The following PIH1D2 variants were observed in gnomAD, a reference collection of about 807,000 sequenced individuals.
PIH1D2 encodes the protein PIH1 domain-containing protein 2.
A neutral mutation model predicts 31.2 loss-of-function variants in PIH1D2; 25 were observed. The ratio of observed to expected loss-of-function variants is 0.80; its 90% CI spans 0.58 to 1.12. PIH1D2 has a LOEUF of 1.12. Ranked by LOEUF, PIH1D2 falls within the 50% of genes most tolerant of loss-of-function variation. The probability of loss-of-function intolerance (pLI) is 0.00; values close to 1 mark genes in which losing one functional copy is unlikely to be tolerated. For synonymous variants in PIH1D2, 116 were observed against 119.9 expected, an observed-to-expected ratio of 0.97 and a Z score of 0.21; for missense variants, 310 against 356.6, an observed-to-expected ratio of 0.87 and a Z score of 1.05.
the PIH1D2 span, among the ~76,000 whole-genome samples, chr11:112,054,903 C>A: frequency 6.6e-6 from 1 of 152,204 alleles, no homozygotes. Context: ...TCCATCTTTA[C>A]ATGGCCTTCT....
intron 3 of PIH1D2, 29 bp from the exon 4 acceptor site, chr11:112,071,312 TGAA>T (rs782148851): frequency 2.1e-5 from 34 of 1,583,154 alleles, no homozygotes; most frequent in South Asian, 1.2e-4. Flanking sequence ...GGGTATGAAA[TGAA>T]GAAAAATTGT....
At chr11:112,059,973 G>A (rs200859206), downstream of PIH1D2, 3 of 1,613,784 alleles carry the variant, frequency 1.9e-6, no homozygotes, top group East Asian at 2.2e-5. Flanking sequence ...TGTGTTTAAT[G>A]CACATATAAA....
chr11:112,063,305 T>C (rs1425674647), downstream of PIH1D2: 2 of 152,236 alleles, frequency 1.3e-5, no homozygotes, highest in Non-Finnish European at 2.9e-5. Flanking sequence ...ATTGTTAATA[T>C]AATTTAACAG....
At chr11:112,055,127 C>T in the PIH1D2 span, among the ~76,000 whole-genome samples, 43 of 152,114 alleles carry the variant, frequency 2.8e-4, no homozygotes, top group Admixed American at 1.5e-3. Context: ...CTTTAGTCTT[C>T]CTGTTTTCAG....
At position 112,067,980 on chromosome 11, in the gene PIH1D2, T is replaced by A. The variant is rs782182117; in HGVS notation, c.839A>T (p.Glu280Val). 18 of 1,591,150 alleles carry A rather than the reference T, an allele frequency of 1.1e-5. No individual in the cohort carries two copies. The East Asian group carries it at 3.8e-4, about 34-fold the overall frequency. Reference protein sequence around the residue: ...SEDDLLIEVSEKYRLHLNLPK... With the variant: ...SEDDLLIEVSVKYRLHLNLPK... ...AAGATTCAGATGTAATCTGTACTTC[T>A]CAGATACTTCAATCAATAAATCATC... The change falls in exon 6 of 6, where the codon GAG becomes GTG. Residue 280 changes from glutamate to valine, a missense_variant. Transcript: ENST00000280350.
chr11:112,064,178 A>C (rs1864809931), downstream of PIH1D2: 1 of 1,570,156 alleles, frequency 6.4e-7, no homozygotes, highest in African/African-American at 1.3e-5. Context: ...TCAAAACTTC[A>C]AAGATAATTC....
Position 112,071,772 on chromosome 11 carries a change from A to T in PIH1D2, c.178-14T>A, listed in dbSNP as rs1162612515. The T allele has an allele frequency of 1.9e-6, 3 of 1,613,656 alleles. No individual in the cohort carries two copies. Among genetic ancestry groups the T allele is most frequent in the Non-Finnish European group, 2.5e-6 (3 of 1,179,678 alleles). ...TTCTTTTGGTTTCTGGAAAGCAAAT[A>T]ATTTTGCACATCTCAAAACCTAGTT... On this transcript the variant is annotated splice_polypyrimidine_tract_variant and intron_variant, in intron 2 of 5. Coordinates refer to ENST00000280350, the MANE Select transcript of PIH1D2 (RefSeq NM_138789.4).
chr11:112,070,598 C>G lies in PIH1D2; in HGVS notation c.651G>C (p.Leu217=). ...TTTCAGTACTGGAAATCTCTTCTAT[C>G]AGACACACTGCTTTGCCTGAAACTT... ...KDQVSGKAVC[L]IEEISSTEIQ... Residue 217 remains leucine (L), a synonymous_variant, in exon 5 of 6, where the codon CTG becomes CTC. Transcript: ENST00000280350. 2 of 1,614,130 alleles carry G rather than the reference C, an allele frequency of 1.2e-6. No homozygotes were observed. Among genetic ancestry groups the G allele is most frequent in the Middle Eastern group, 1.6e-4 (1 of 6,062 alleles).
the PIH1D2 span, among the ~76,000 whole-genome samples, chr11:112,052,720 T>G: frequency 6.6e-6 from 1 of 152,054 alleles, no homozygotes; most frequent in East Asian, 1.9e-4. Flanking sequence ...GAAAAAAGTC[T>G]TTGTAGAGTT....
the PIH1D2 span, among the ~76,000 whole-genome samples, chr11:112,055,401 G>A: frequency 1.8e-3 from 277 of 151,548 alleles, no homozygotes; most frequent in African/African-American, 6.5e-3. Flanking sequence ...GCACCACCAC[G>A]CCCGGCTAAT....
chr11:112,070,573 T>A lies in PIH1D2; in HGVS notation c.676A>T (p.Ile226Phe). The stretch of plus-strand genomic sequence containing the variant: ...GCTGGCATCTTCATCTCCACCTGGA[T>A]TTCAGTACTGGAAATCTCTTCTATC... ...CLIEEISSTE[I>F]QVEMKMPAYE... Residue 226 changes from isoleucine to phenylalanine, a missense_variant, in exon 5 of 6, where the codon ATC becomes TTC. Transcript: ENST00000280350. The A allele has an allele frequency of 6.2e-7, 1 of 1,614,200 alleles. No individual in the cohort carries two copies. The highest frequency in any genetic ancestry group is 8.5e-7 in the Non-Finnish European group (1 of 1,180,030).
intron 2 of PIH1D2, among the ~76,000 whole-genome samples, chr11:112,071,992 C>T (rs976130662): frequency 1.3e-5 from 2 of 152,066 alleles, no homozygotes; most frequent in Admixed American, 1.3e-4. Flanking sequence ...ACTCGGGAGG[C>T]TGAGGCAGGA....
intron 1 of PIH1D2, 51 bp downstream of exon 1, chr11:112,073,929 C>T (rs782524649): frequency 6.4e-6 from 1 of 155,100 alleles, no homozygotes; most frequent in East Asian, 1.9e-4. Context: ...TGCAAACCCA[C>T]CTCTTCTCTC....
chr11:112,069,071 T>C (rs1865031767), intron 5 of PIH1D2, among the ~76,000 whole-genome samples: 2 of 146,310 alleles, frequency 1.4e-5, no homozygotes, highest in Non-Finnish European at 1.5e-5. Flanking sequence ...CGATCTTGGC[T>C]CACTGCAACT....
chr11:112,068,174 T>A (rs1864996906), intron 5 of PIH1D2, among the ~76,000 whole-genome samples, 169 bp from the exon 6 acceptor site: 1 of 152,216 alleles, frequency 6.6e-6, no homozygotes, highest in African/African-American at 2.4e-5. Flanking sequence ...AGGTGGTTAC[T>A]GCTGCTCACT....
the PIH1D2 span, among the ~76,000 whole-genome samples, chr11:112,054,877 A>G: frequency 6.6e-6 from 1 of 152,180 alleles, no homozygotes; most frequent in Non-Finnish European, 1.5e-5. Flanking sequence ...GTGATTGCAT[A>G]ACTCCAGTCT....
chr11:112,072,895 AAAAAC>A (rs1163013746), intron 2 of PIH1D2, 98 bp downstream of exon 2: 2,243 of 1,220,202 alleles, frequency 1.8e-3, no homozygotes, highest in African/African-American at 6.1e-3. Context: ...AAAACAAAAA[AAAAAC>A]AAAAAAAATT....
At chr11:112,054,482 CT>C in the PIH1D2 span, among the ~76,000 whole-genome samples, 12 of 152,056 alleles carry the variant, frequency 7.9e-5, no homozygotes, top group Admixed American at 7.2e-4. Context: ...TTAATAATTG[CT>C]TTAGGGAAGG....
downstream of PIH1D2, among the ~76,000 whole-genome samples, chr11:112,058,701 C>A (rs1222114175): frequency 2.0e-5 from 3 of 149,974 alleles, no homozygotes; most frequent in East Asian, 5.9e-4. Context: ...GAGAACAGAT[C>A]AAATGTTAAC....
Sources: gnomAD v4.1 joint callset for allele counts (sites outside exome capture counted in the v4.1 genomes callset) on GRCh38, gnomAD v4.1.1 for gene constraint, MANE v1.5 for transcripts, NCBI Gene and HGNC (gene_info 2026-07-23, HGNC 2026-07-21) for gene names.